The following PAX3 variants were observed in gnomAD, a reference collection of about 807,000 sequenced individuals.
PAX3 encodes paired box 3, also known as paired box protein Pax-3.
Under a neutral mutation model 51.6 loss-of-function variants are expected in PAX3, and 14 were observed. The ratio of observed to expected loss-of-function variants is 0.27; its 90% confidence interval spans 0.18 to 0.42. The LOEUF is 0.42. Ranked by LOEUF, PAX3 falls within the 10% of genes least tolerant of loss-of-function variation. PAX3 has a pLI of 1.00. For synonymous variants in PAX3, 280 were observed against 253.4 expected (o/e 1.11, Z -1.00); for missense variants, 540 against 642.8 (o/e 0.84, Z 1.73).
At chr2:222,234,802 T>C (rs1180736458) in intron 4 of PAX3, among the ~76,000 whole-genome samples, 1 of 152,234 alleles carries the variant, frequency 6.6e-6, no homozygotes, top group African/African-American at 2.4e-5. Context: ...CACATGTATA[T>C]TTTTAAATTG....
intron 4 of PAX3, among the ~76,000 whole-genome samples, chr2:222,288,655 C>T (rs10174636): frequency 0.19 from 29,522 of 152,066 alleles, 3,092 homozygotes; most frequent in Middle Eastern, 0.24. Context: ...TTCTGCCACA[C>T]CCCCCCAAAA....
rs1695447899 is a variant in PAX3 at position 222,298,729 on chromosome 2, A to G, written c.-114T>C. On this transcript the variant is annotated 5_prime_UTR_variant, in exon 1 of 9. Coordinates refer to ENST00000392070, the MANE Select transcript of PAX3 (RefSeq NM_181458.4). ...GGAGCGTGGAGAGCCCCTCCCCAAA[A>G]CGGCTGGAGAGAGAGGGAGGGACGC... 34 of 1,007,918 alleles carry G rather than the reference A, an allele frequency of 3.4e-5. No individual in the cohort carries two copies. The South Asian group carries it at 4.5e-4, about 13-fold the overall frequency. 62.4% of individuals were successfully genotyped at this position (1,007,918 alleles called of 1,614,324 possible). A position where few individuals can be genotyped will look rare whatever the true frequency, so the allele number is the denominator to read the frequency against.
chr2:222,287,652 C>T (rs1475717975), intron 4 of PAX3: 1 of 152,210 alleles, frequency 6.6e-6, no homozygotes, highest in Non-Finnish European at 1.5e-5. Flanking sequence ...CATAACAAAT[C>T]TGAGCTAACT....
At chr2:222,260,862 C>T (rs1693838602) in intron 4 of PAX3, among the ~76,000 whole-genome samples, 1 of 152,076 alleles carries the variant, frequency 6.6e-6, no homozygotes, top group African/African-American at 2.4e-5. Context: ...GCTGGAATTA[C>T]AGGCATGAGC....
intron 4 of PAX3, among the ~76,000 whole-genome samples, chr2:222,236,406 C>A (rs190242356): frequency 6.6e-6 from 1 of 152,118 alleles, no homozygotes; most frequent in African/African-American, 2.4e-5. Flanking sequence ...CCAGTTTTTA[C>A]CAAGAGCAAA....
At chr2:222,208,301 AT>A (rs34691906) in intron 7 of PAX3, among the ~76,000 whole-genome samples, 45,929 of 150,972 alleles carry the variant, frequency 0.3, 8,693 homozygotes, top group Non-Finnish European at 0.43. Flanking sequence ...TATAGCAAAT[AT>A]TTTTTTTTTC....
intron 4 of PAX3, among the ~76,000 whole-genome samples, chr2:222,251,924 A>G (rs1259634079): frequency 6.6e-6 from 1 of 152,208 alleles, no homozygotes. Flanking sequence ...ACAGAACTCT[A>G]AGAAAAATCA....
At chr2:222,249,701 C>A (rs1467323081) in intron 4 of PAX3, among the ~76,000 whole-genome samples, 1 of 152,154 alleles carries the variant, frequency 6.6e-6, no homozygotes, top group Non-Finnish European at 1.5e-5. Context: ...AGCCCTTGCC[C>A]CCGGGGTCCC....
intron 4 of PAX3, among the ~76,000 whole-genome samples, chr2:222,274,273 G>C (rs1694345458): frequency 1.3e-5 from 2 of 151,930 alleles, no homozygotes; most frequent in African/African-American, 4.8e-5. Context: ...TTCTTTTGTA[G>C]AAGTCATTCT....
intron 5 of PAX3, among the ~76,000 whole-genome samples, chr2:222,225,654 G>T (rs1335513424): frequency 1.3e-5 from 2 of 151,988 alleles, no homozygotes; most frequent in Non-Finnish European, 2.9e-5. Flanking sequence ...AATATCTGGG[G>T]GTCTCTGTTT....
chr2:222,291,157 A>G (rs1037959375), intron 4 of PAX3, among the ~76,000 whole-genome samples: 22 of 152,108 alleles, frequency 1.4e-4, no homozygotes, highest in Admixed American at 3.3e-4. Context: ...CGGGGGAGGA[A>G]CAGAGGCGCC....
chr2:222,226,463 A>G (rs911691712), intron 5 of PAX3, among the ~76,000 whole-genome samples: 8 of 151,824 alleles, frequency 5.3e-5, no homozygotes, highest in African/African-American at 1.9e-4. Flanking sequence ...GACCATGGAC[A>G]CACACAAAAG....
intron 4 of PAX3, among the ~76,000 whole-genome samples, chr2:222,267,065 C>T (rs12617408): frequency 0.18 from 27,208 of 152,182 alleles, 2,819 homozygotes; most frequent in East Asian, 0.37. Flanking sequence ...CACTCTTACC[C>T]GGAGATTGCA....
intron 4 of PAX3, among the ~76,000 whole-genome samples, chr2:222,285,556 A>T (rs1487017744): frequency 1.3e-5 from 2 of 152,224 alleles, no homozygotes; most frequent in African/African-American, 2.4e-5. Flanking sequence ...AAAAATGTAG[A>T]CTTTCTATTT....
intron 7 of PAX3, among the ~76,000 whole-genome samples, chr2:222,212,622 A>AACAC (rs57019405): frequency 0.027 from 3,923 of 147,982 alleles, 88 homozygotes; most frequent in African/African-American, 0.06. Context: ...TGGAAAAACA[A>AACAC]ACACACACAC....
intron 4 of PAX3, among the ~76,000 whole-genome samples, chr2:222,245,321 A>T (rs1203474509): frequency 6.6e-6 from 1 of 152,212 alleles, no homozygotes; most frequent in Non-Finnish European, 1.5e-5. Flanking sequence ...TTCATGGGGA[A>T]AACCTGAATA....
intron 4 of PAX3, chr2:222,263,916 A>C (rs1693952577): frequency 6.6e-6 from 1 of 152,216 alleles, no homozygotes; most frequent in Non-Finnish European, 1.5e-5. Flanking sequence ...TCCACTTATA[A>C]GATATTCTTA....
chr2:222,276,878 G>C (rs1031643677), intron 4 of PAX3, among the ~76,000 whole-genome samples: 8 of 152,216 alleles, frequency 5.3e-5, no homozygotes, highest in Non-Finnish European at 8.8e-5. Flanking sequence ...GCTGTGTAGA[G>C]TAAGAACCAT....
intron 7 of PAX3, among the ~76,000 whole-genome samples, chr2:222,211,610 G>GA (rs934749043): frequency 1.3e-5 from 2 of 152,050 alleles, no homozygotes; most frequent in African/African-American, 2.4e-5. Context: ...TTCACCTGTG[G>GA]AAAAAATCAA....
Sources: allele counts gnomAD v4.1 joint callset (sites outside exome capture counted in the v4.1 genomes callset), GRCh38; gene constraint gnomAD v4.1.1; transcripts MANE v1.5; gene names NCBI Gene and HGNC (gene_info 2026-07-23, HGNC 2026-07-21).